SHISA9: variants seen among roughly 807,000 people sequenced by gnomAD.
SHISA9 encodes shisa family member 9.
In SHISA9, 13 loss-of-function variants were observed where a neutral mutation model predicts 38.0. The observed-to-expected ratio is 0.34, with a 90% CI of 0.22 to 0.54. The LOEUF is 0.54. Ranked by LOEUF, SHISA9 falls within the 20% of genes least tolerant of loss-of-function variation. SHISA9 has a pLI of 0.91. For synonymous variants in SHISA9, 275 were observed against 242.0 expected (o/e 1.14, Z -1.27); for missense variants, 538 against 575.8 (o/e 0.93, Z 0.67).
At chr16:12,905,265 C>G (rs1021597196) in intron 1 of SHISA9, among the ~76,000 whole-genome samples, 3 of 152,168 alleles carry the variant, frequency 2.0e-5, no homozygotes, top group African/African-American at 4.8e-5. Context: ...CAAGATCACA[C>G]AGTTAGGAAA....
At chr16:13,406,769 T>C in the SHISA9 span, among the ~76,000 whole-genome samples, 1 of 152,108 alleles carries the variant, frequency 6.6e-6, no homozygotes, top group Non-Finnish European at 1.5e-5. Flanking sequence ...CATGTTCATG[T>C]ACAAAAAGGA....
chr16:13,435,975 G>T, the SHISA9 span, among the ~76,000 whole-genome samples: 9 of 152,108 alleles, frequency 5.9e-5, no homozygotes, highest in Non-Finnish European at 1.2e-4. Context: ...GTGGAGTTTT[G>T]GACCTCTGCT....
intron 2 of SHISA9, among the ~76,000 whole-genome samples, chr16:13,004,570 T>A (rs962627429): frequency 3.3e-5 from 5 of 152,036 alleles, no homozygotes; most frequent in Non-Finnish European, 5.9e-5. Context: ...GACTGATGAA[T>A]TCATCTGGGT....
At chr16:13,522,314 T>A in the SHISA9 span, among the ~76,000 whole-genome samples, 2 of 152,242 alleles carry the variant, frequency 1.3e-5, no homozygotes, top group Admixed American at 6.5e-5. Flanking sequence ...GGGAGACCTT[T>A]GGCATATTTC....
intron 2 of SHISA9, among the ~76,000 whole-genome samples, chr16:12,950,372 A>T (rs1480118408): frequency 6.6e-6 from 1 of 152,182 alleles, no homozygotes; most frequent in Non-Finnish European, 1.5e-5. Context: ...TTTCTTTTGC[A>T]TATATACCCA....
the SHISA9 span, among the ~76,000 whole-genome samples, chr16:13,427,632 C>G: frequency 6.6e-6 from 1 of 151,996 alleles, no homozygotes; most frequent in Non-Finnish European, 1.5e-5. Context: ...GAGGGAAGAA[C>G]AGAGGATAAG....
intron 2 of SHISA9, among the ~76,000 whole-genome samples, chr16:13,112,783 C>A (rs2073992306): frequency 1.3e-5 from 2 of 152,278 alleles, no homozygotes; most frequent in South Asian, 4.1e-4. Context: ...CCCTCTGGTT[C>A]ATGGCTCCCA....
chr16:13,451,866 G>T, the SHISA9 span, among the ~76,000 whole-genome samples: 1 of 152,200 alleles, frequency 6.6e-6, no homozygotes, highest in Non-Finnish European at 1.5e-5. Context: ...TTTGAGCCAT[G>T]CATGGAAGTT....
At chr16:13,128,548 G>A (rs1463738633) in intron 2 of SHISA9, among the ~76,000 whole-genome samples, 3 of 152,164 alleles carry the variant, frequency 2.0e-5, no homozygotes, top group Non-Finnish European at 4.4e-5. Flanking sequence ...GTAAGAGAAT[G>A]ATCATGACTG....
At chr16:13,288,329 G>T in the SHISA9 span, among the ~76,000 whole-genome samples, 1 of 152,276 alleles carries the variant, frequency 6.6e-6, no homozygotes, top group Admixed American at 6.5e-5. Context: ...AGATCAGAGT[G>T]CTTGCATGGT....
the SHISA9 span, among the ~76,000 whole-genome samples, chr16:13,543,315 C>T: frequency 6.6e-6 from 1 of 152,278 alleles, no homozygotes; most frequent in African/African-American, 2.4e-5. Flanking sequence ...CATGGTAGGG[C>T]TCTTGAAGAG....
the SHISA9 span, among the ~76,000 whole-genome samples, chr16:13,361,316 ATGACAC>A: frequency 6.6e-6 from 1 of 152,204 alleles, no homozygotes; most frequent in African/African-American, 2.4e-5. Context: ...ATTTCAATTA[ATGACAC>A]CACCATCCTT....
chr16:12,943,324 TGTGTGTGAGAGAGAGAGAGAGAGAGA>T (rs2071643951), intron 2 of SHISA9, among the ~76,000 whole-genome samples: 2 of 21,076 alleles, frequency 9.5e-5, no homozygotes, highest in African/African-American at 3.6e-4. Flanking sequence ...TGTGTGTGTG[TGTGTGTGAGAGAGAGAGAGAGAGAGA>T]GAGAGAGAGA....
the SHISA9 span, among the ~76,000 whole-genome samples, chr16:13,469,365 A>AAGAAAGAAAGAAAGAAAGAAAAGAAAAAG: frequency 3.1e-4 from 20 of 64,524 alleles, no homozygotes; most frequent in Admixed American, 5.2e-4. Context: ...AAAGAAAAGA[A>AAGAAAGAAAGAAAGAAAGAAAAGAAAAAG]AAAGAAAGAA....
the SHISA9 span, among the ~76,000 whole-genome samples, chr16:13,259,469 C>T: frequency 6.6e-6 from 1 of 152,180 alleles, no homozygotes; most frequent in East Asian, 1.9e-4. Context: ...CTAGGCAGCC[C>T]CCAAGTAGGG....
intron 2 of SHISA9, among the ~76,000 whole-genome samples, chr16:13,137,249 G>T (rs993995188): frequency 6.6e-6 from 1 of 152,146 alleles, no homozygotes; most frequent in Admixed American, 6.5e-5. Context: ...AATAGATGCT[G>T]TTGTGTGGGG....
At chr16:13,157,264 T>C (rs2050555740) in intron 2 of SHISA9, among the ~76,000 whole-genome samples, 1 of 152,218 alleles carries the variant, frequency 6.6e-6, no homozygotes, top group Non-Finnish European at 1.5e-5. Flanking sequence ...CTCTCATCTA[T>C]CCTAGCATTA....
intron 2 of SHISA9, among the ~76,000 whole-genome samples, chr16:13,115,496 A>T (rs2074023018): frequency 6.6e-6 from 1 of 152,228 alleles, no homozygotes; most frequent in Non-Finnish European, 1.5e-5. Flanking sequence ...GTGGCTTAAG[A>T]ATGCCTTTAA....
intron 2 of SHISA9, among the ~76,000 whole-genome samples, chr16:13,139,648 CCT>C (rs2050382299): frequency 6.6e-6 from 1 of 151,942 alleles, no homozygotes; most frequent in South Asian, 2.1e-4. Context: ...CTCCGCATTC[CCT>C]GTCTTGGAAA....
Sources: gnomAD v4.1 joint callset for allele counts (sites outside exome capture counted in the v4.1 genomes callset) on GRCh38, gnomAD v4.1.1 for gene constraint, MANE v1.5 for transcripts, NCBI Gene and HGNC (gene_info 2026-07-23, HGNC 2026-07-21) for gene names.